The following TRPM5 variants were observed in gnomAD, a reference collection of about 807,000 sequenced individuals.
TRPM5 encodes the protein transient receptor potential cation channel subfamily M member 5.
A neutral mutation model predicts 124.9 loss-of-function variants in TRPM5; 121 were observed. That is an observed-to-expected ratio of 0.97 (90% CI 0.84 to 1.13). The LOEUF is 1.13. Ranked by LOEUF, TRPM5 falls within the 50% of genes most tolerant of loss-of-function variation. The probability of loss-of-function intolerance (pLI) is 0.00; values close to 1 mark genes in which losing one functional copy is unlikely to be tolerated. For synonymous variants in TRPM5, 781 were observed against 700.5 expected (o/e 1.11, Z -1.81); for missense variants, 1,643 against 1,589.1 (o/e 1.03, Z -0.58).
At chr11:2,424,304 G>A (rs943807853), upstream of TRPM5, among the ~76,000 whole-genome samples, 3 of 152,248 alleles carry the variant, frequency 2.0e-5, no homozygotes, top group Non-Finnish European at 4.4e-5. Flanking sequence ...AGATGAGAGG[G>A]AGTGTGTCCT....
the TRPM5 span, among the ~76,000 whole-genome samples, chr11:2,439,109 A>C: frequency 1.3e-5 from 2 of 152,244 alleles, no homozygotes; most frequent in Non-Finnish European, 2.9e-5. Flanking sequence ...TGGTGCTGAG[A>C]CAGCTGGCTT....
rs1443072107 is a variant in TRPM5, at chr11:2,416,108, G to A, written c.1010-84C>T. 4 of 962,542 alleles carry A rather than the reference G, an allele frequency of 4.2e-6. No homozygotes were observed. In the Admixed American group the frequency reaches 7.2e-5, roughly 17 times the overall value. 59.6% of individuals were successfully genotyped at this position (962,542 alleles called of 1,614,324 possible). On this transcript the variant is annotated intron_variant, in intron 7 of 23. Coordinates refer to ENST00000155858, the Ensembl canonical transcript of TRPM5. ...GGCACAGGGTCCCCAAAGGTGCGCT[G>A]CCTAGAGACGCGGAAACGGGAACTT...
the TRPM5 span, among the ~76,000 whole-genome samples, chr11:2,431,413 G>A: frequency 0.048 from 7,237 of 152,176 alleles, 158 homozygotes; most frequent in South Asian, 0.06. Context: ...AGTGTCTGTG[G>A]TATGTGAATA....
At chr11:2,407,582 C>T (rs893811908) in intron 19 of TRPM5, among the ~76,000 whole-genome samples, 177 bp downstream of exon 24, 54 of 152,208 alleles carry the variant, frequency 3.5e-4, no homozygotes, top group East Asian at 1.9e-4. Context: ...ACAGAGTTCC[C>T]GGTCTTGGGC....
chr11:2,416,797 G>A lies in TRPM5; in HGVS notation c.1010-773C>T, dbSNP rs371423585. Among the ~76,000 whole-genome samples, 268 of 152,276 alleles carry A rather than the reference G, an allele frequency of 1.8e-3. 3 individuals carry two copies. The highest frequency in any genetic ancestry group is 3.3e-3 in the Non-Finnish European group (224 of 68,040). On this transcript the variant is annotated intron_variant, in intron 7 of 23. Coordinates refer to ENST00000155858, the Ensembl canonical transcript of TRPM5. ...GCCAGCGTCCAGCCCTTCAGCACGC[G>A]TTCGTCTCCAGCAAAAAGCACATCA... is the stretch of plus-strand genomic sequence containing the variant.
the TRPM5 span, among the ~76,000 whole-genome samples, chr11:2,443,324 A>G: frequency 5.9e-5 from 9 of 152,218 alleles, no homozygotes; most frequent in South Asian, 2.1e-4. The surrounding 1 kb of genome is among the most constrained non-coding windows in gnomAD (Gnocchi z 5.0). Flanking sequence ...GGGAAGGCAG[A>G]GACTCCATGC....
At position 2,418,743 on chromosome 11, in the gene TRPM5, A is replaced by G. The variant is rs1845725158; in HGVS notation, c.650-152T>C. The G allele has an allele frequency of 1.6e-5, 12 of 747,536 alleles. 1 individual carries two copies. The highest frequency in any genetic ancestry group is 5.5e-5 in the South Asian group (3 of 54,772). 46.3% of individuals were successfully genotyped at this position (747,536 alleles called of 1,614,324 possible). On this transcript the variant is annotated intron_variant, in intron 4 of 23. Transcript: ENST00000155858. ...CTGGGCCACGTGACACAGGCTGCTT[A>G]TTACAGCCCCTGCCATATGAGGGCC...
chr11:2,420,169 C>T, intron 4 of TRPM5, 53 bp downstream of exon 9: 1 of 1,539,442 alleles, frequency 6.5e-7, no homozygotes, highest in Non-Finnish European at 8.7e-7. Flanking sequence ...AGGCGGGTCC[C>T]TGGATCCCCA....
chr11:2,405,644 A>G, intron 22 of TRPM5, 51 bp from the exon 28 acceptor site: 1 of 1,539,440 alleles, frequency 6.5e-7, no homozygotes, highest in South Asian at 1.2e-5. Context: ...TCAGGACAGC[A>G]GGGGACAGGC....
At chr11:2,410,392 C>G (rs865794710) in intron 18 of TRPM5, among the ~76,000 whole-genome samples, 2 of 151,478 alleles carry the variant, frequency 1.3e-5, no homozygotes, top group Non-Finnish European at 2.9e-5. Flanking sequence ...ATGACTGCCC[C>G]GTGCCGGGCA....
Position 2,408,817 on chromosome 11 carries a change from C to T in TRPM5, c.2783-905G>A, listed in dbSNP as rs191201376. ...CCAGGACCACATATCCCCTCCATAT[C>T]CGAATGGGAGCTCCGCTCTCTCCTC... On this transcript the variant is annotated intron_variant, in intron 18 of 23. Transcript: ENST00000155858. 2.4e-4 allele frequency among the ~76,000 whole-genome samples: 36 copies of T among 152,344 alleles called. 1 individual carries two copies. In the East Asian group the frequency reaches 6.9e-3, roughly 29 times the overall value.
At position 2,415,196 on chromosome 11, in the gene TRPM5, G is replaced by A. The variant is rs375394572; in HGVS notation, c.1404C>T (p.Arg468=). 2.7e-5 allele frequency: 42 copies of A among 1,584,060 alleles called. No individual in the cohort carries two copies. The African/African-American group carries it at 3.8e-4, about 14-fold the overall frequency. The change falls in exon 9 of 24, where the codon CGC becomes CGT. Residue 468 remains arginine (R), a synonymous_variant. Coordinates refer to ENST00000155858, the Ensembl canonical transcript of TRPM5. ...CGTCCTGCAGGAAGTCCTTGAGTAC[G>A]CGGGAGACCTCGTGCAGGGAGAAGG... is the stretch of plus-strand genomic sequence containing the variant.
At chr11:2,415,231 C>A in exon 9 of TRPM5, 2 of 1,573,790 alleles carry the variant, frequency 1.3e-6, no homozygotes, top group East Asian at 2.3e-5. Flanking sequence ...GCCGGTGGCC[C>A]CGCGGGTGGC....
At chr11:2,438,084 C>G in the TRPM5 span, among the ~76,000 whole-genome samples, 1 of 152,036 alleles carries the variant, frequency 6.6e-6, no homozygotes, top group East Asian at 1.9e-4. This position sits in a 1 kb window ranked among gnomAD's most constrained non-coding sequence, Gnocchi z 5.9. Flanking sequence ...ACAAAAAAAC[C>G]ATATGGTCCT....
chr11:2,410,494 G>A (rs147525952), intron 18 of TRPM5, among the ~76,000 whole-genome samples: 2 of 152,004 alleles, frequency 1.3e-5, no homozygotes, highest in Non-Finnish European at 2.9e-5. Context: ...CCCCAGGGGC[G>A]GGCTGGCTGC....
chr11:2,409,945 G>A (rs952193879), intron 18 of TRPM5, among the ~76,000 whole-genome samples: 19 of 152,182 alleles, frequency 1.2e-4, no homozygotes, highest in Admixed American at 3.9e-4. Context: ...CTCCTCATAC[G>A]AGTCGCTGAG....
chr11:2,435,568 C>T, the TRPM5 span, among the ~76,000 whole-genome samples: 116 of 151,128 alleles, frequency 7.7e-4, no homozygotes, highest in African/African-American at 2.3e-3. The surrounding 1 kb of genome is among the most constrained non-coding windows in gnomAD (Gnocchi z 4.1). Context: ...TCCATCTATC[C>T]GTCCATCTGT....
upstream of TRPM5, among the ~76,000 whole-genome samples, chr11:2,427,276 G>T (rs1279799432): frequency 6.6e-6 from 1 of 152,200 alleles, no homozygotes; most frequent in African/African-American, 2.4e-5. Context: ...GTACAATCCT[G>T]CTCCTTCTCC....
exon 22 of TRPM5, chr11:2,406,079 A>G: frequency 6.2e-7 from 1 of 1,611,932 alleles, no homozygotes. Flanking sequence ...GGTACTTGGC[A>G]ATGAAGTCCA....
Sources: gnomAD v4.1 joint callset for allele counts (sites outside exome capture counted in the v4.1 genomes callset) on GRCh38, gnomAD v4.1.1 for gene constraint, Gnocchi (gnomAD v3.1) non-coding constraint, MANE v1.5 for transcripts, NCBI Gene and HGNC (gene_info 2026-07-23, HGNC 2026-07-21) for gene names.